Variants in DLG1 observed in about 807,000 individuals in gnomAD.
DLG1 encodes disks large homolog 1.
DLG1 carries 42 observed loss-of-function variants against 123.4 expected under a neutral mutation model. The observed-to-expected ratio is 0.34, with a 90% CI of 0.27 to 0.44. The LOEUF (loss-of-function observed/expected upper bound fraction) is 0.44, where lower values mean the gene tolerates loss of function less well. Ranked by LOEUF, DLG1 falls within the 20% of genes least tolerant of loss-of-function variation. The probability of loss-of-function intolerance (pLI) is 1.00; values close to 1 mark genes in which losing one functional copy is unlikely to be tolerated. For synonymous variants in DLG1, 317 were observed against 356.2 expected (o/e 0.89, Z 1.24); for missense variants, 942 against 1,082.6 (o/e 0.87, Z 1.82).
Position 197,147,111 on chromosome 3 carries a change from G to C in DLG1, c.537+2632C>G, listed in dbSNP as rs576269385. ...ATGTGATATTACCTTACCCCTGCAA[G>C]AATGGTCATCATAAAAAAATAAAAA... On this transcript the variant is annotated intron_variant, in intron 6 of 24. Transcript: ENST00000667157. Among the ~76,000 whole-genome samples, 4 of 152,044 alleles carry C rather than the reference G, an allele frequency of 2.6e-5. No homozygotes were observed. The East Asian group carries it at 7.7e-4, about 29-fold the overall frequency.
rs1579601163 is a variant in DLG1, at chr3:197,296,267, T to G, written c.151+79A>C. On this transcript the variant is annotated intron_variant, in intron 3 of 24. Coordinates refer to ENST00000667157, the MANE Select transcript of DLG1 (RefSeq NM_001366207.1). ...TGCCTCAGAGAATTAAGTACATCATTTTCTTAAGTTTAAAATAAATGAATT... is the reference window on the plus strand; with the variant it reads ...TGCCTCAGAGAATTAAGTACATCATGTTCTTAAGTTTAAAATAAATGAATT... The G allele has an allele frequency of 4.3e-6, 6 of 1,383,208 alleles. 1 individual carries two copies. In the East Asian group the frequency reaches 1.4e-4, roughly 32 times the overall value. 85.7% of individuals were successfully genotyped at this position (1,383,208 alleles called of 1,614,324 possible).
chr3:197,240,729 GAAAAA>G (rs924486810), intron 4 of DLG1, among the ~76,000 whole-genome samples: 3 of 151,602 alleles, frequency 2.0e-5, no homozygotes, highest in African/African-American at 7.3e-5. Flanking sequence ...GAAAAGAAAA[GAAAAA>G]AATCAAACAG....
chr3:197,284,959 C>T (rs948999924), intron 3 of DLG1, among the ~76,000 whole-genome samples: 71 of 151,056 alleles, frequency 4.7e-4, no homozygotes, highest in African/African-American at 1.7e-3. Flanking sequence ...CACTAAGAAA[C>T]CTCCAAAAAT....
At chr3:197,217,793 G>C (rs189679985) in intron 4 of DLG1, among the ~76,000 whole-genome samples, 1 of 152,188 alleles carries the variant, frequency 6.6e-6, no homozygotes, top group South Asian at 2.1e-4. Flanking sequence ...GGGAAGGACA[G>C]GAGGGAGGGA....
rs779539639 is a variant in DLG1 at position 197,136,641 on chromosome 3, C to G, written c.921G>C (p.Gln307His). The change falls in exon 10 of 25, where the codon CAG becomes CAC. Residue 307 changes from glutamine to histidine, a missense_variant. Gln to His is a conservative substitution (Grantham distance 24, BLOSUM62 0). Transcript: ENST00000667157. ...GFSIAGGVGNQHIPGDNSIYV... is the reference protein window; with the variant it reads ...GFSIAGGVGNHHIPGDNSIYV... ...AGATGCTATTATCCCCAGGAATATG[C>G]TGATTTCCAACACCTCCAGCAATGC... 1 of 1,613,238 alleles carries G rather than the reference C, an allele frequency of 6.2e-7. No homozygotes were observed. Among genetic ancestry groups the G allele is most frequent in the South Asian group, 1.1e-5 (1 of 90,980 alleles).
intron 4 of DLG1, among the ~76,000 whole-genome samples, chr3:197,249,139 C>T (rs1753171841): frequency 6.6e-6 from 1 of 151,586 alleles, no homozygotes; most frequent in Non-Finnish European, 1.5e-5. Flanking sequence ...TACAGATGAT[C>T]AACAAAACAA....
At chr3:197,116,193 C>G (rs1316405917) in intron 12 of DLG1, 110 bp from the exon 13 acceptor site, 4 of 803,888 alleles carry the variant, frequency 5.0e-6, no homozygotes, top group Non-Finnish European at 7.5e-6. Flanking sequence ...ACAAAGAAAG[C>G]TAGACAAAAT....
chr3:197,064,119 C>A (rs894638579), intron 22 of DLG1, among the ~76,000 whole-genome samples: 2 of 151,630 alleles, frequency 1.3e-5, no homozygotes, highest in Admixed American at 1.3e-4. Context: ...GGGGTTTTGC[C>A]ATGTTGGCCA....
chr3:197,136,975 A>G (rs1021307977), intron 9 of DLG1, among the ~76,000 whole-genome samples: 1 of 152,192 alleles, frequency 6.6e-6, no homozygotes, highest in Admixed American at 6.5e-5. Context: ...TTTTGTTTCC[A>G]TCATAATTAT....
intron 23 of DLG1, among the ~76,000 whole-genome samples, chr3:197,055,225 A>G (rs935903628): frequency 2.0e-5 from 3 of 152,216 alleles, no homozygotes; most frequent in African/African-American, 7.2e-5. Flanking sequence ...TGCCAGGATT[A>G]TAGGCATGAG....
intron 11 of DLG1, among the ~76,000 whole-genome samples, chr3:197,124,526 G>A (rs758220103): frequency 4.6e-5 from 7 of 151,968 alleles, no homozygotes; most frequent in Non-Finnish European, 8.8e-5. Flanking sequence ...CGCCCGCCTC[G>A]GCCTCACAAA....
chr3:197,147,795 G>A (rs1321020454), intron 6 of DLG1, among the ~76,000 whole-genome samples: 2 of 148,124 alleles, frequency 1.4e-5, no homozygotes, highest in East Asian at 2.0e-4. Context: ...AACAACACCC[G>A]CTCCCTAAAA....
intron 10 of DLG1, among the ~76,000 whole-genome samples, chr3:197,131,919 CT>C (rs1183692137): frequency 2.7e-5 from 4 of 150,240 alleles, no homozygotes. Flanking sequence ...ATCTGATTTT[CT>C]TTTTCTTTTT....
intron 4 of DLG1, among the ~76,000 whole-genome samples, chr3:197,244,987 C>CA (rs1385444960): frequency 6.6e-6 from 1 of 152,154 alleles, no homozygotes; most frequent in Non-Finnish European, 1.5e-5. Flanking sequence ...GCCTATACAG[C>CA]ATTTCACAAG....
intron 3 of DLG1, among the ~76,000 whole-genome samples, chr3:197,288,781 T>C (rs1773367685): frequency 7.1e-6 from 1 of 141,626 alleles, no homozygotes; most frequent in African/African-American, 2.6e-5. Flanking sequence ...CATAAAATGG[T>C]AGAAATCTAC....
chr3:197,058,078 A>C (rs1560370916), intron 23 of DLG1, among the ~76,000 whole-genome samples: 1 of 151,682 alleles, frequency 6.6e-6, no homozygotes, highest in Non-Finnish European at 1.5e-5. Flanking sequence ...CCCTGTGCTC[A>C]AGCAATCCCC....
intron 14 of DLG1, among the ~76,000 whole-genome samples, chr3:197,091,979 A>C (rs1268658525): frequency 6.6e-6 from 1 of 152,210 alleles, no homozygotes; most frequent in Non-Finnish European, 1.5e-5. Flanking sequence ...AACTGAAGCA[A>C]CAATTCATCA....
At chr3:197,257,445 T>C (rs1757366330) in intron 4 of DLG1, among the ~76,000 whole-genome samples, 1 of 152,202 alleles carries the variant, frequency 6.6e-6, no homozygotes, top group Admixed American at 6.5e-5. Context: ...AAAAGAATCA[T>C]GAACTTTTGG....
In DLG1 at chr3:197,119,424, A is replaced by G; in HGVS notation, c.1272T>C (p.Asp424=). Residue 424 remains aspartate (D), a synonymous_variant, in exon 12 of 25, where the codon GAT becomes GAC. Transcript: ENST00000667157. ...AACTTCCTTACCTTGTAATTTCATCATCTCCAAGTACTGCTTTAGAAACTG... is the reference window on the plus strand; with the variant it reads ...AACTTCCTTACCTTGTAATTTCATCGTCTCCAAGTACTGCTTTAGAAACTG... The part of the protein sequence containing the change: ...YSPVSKAVLG[D]DEITREPRKV... 6.2e-7 allele frequency: 1 copy of G among 1,602,590 alleles called. No homozygotes were observed. The highest frequency in any genetic ancestry group is 8.5e-7 in the Non-Finnish European group (1 of 1,173,486).
Sources: gnomAD v4.1 joint callset for allele counts (sites outside exome capture counted in the v4.1 genomes callset) on GRCh38, gnomAD v4.1.1 for gene constraint, MANE v1.5 for transcripts, NCBI Gene and HGNC (gene_info 2026-07-23, HGNC 2026-07-21) for gene names.